E2F7: variants seen among roughly 807,000 people sequenced by gnomAD.
E2F7 encodes the protein transcription factor E2F7.
A neutral mutation model predicts 81.1 loss-of-function variants in E2F7; 35 were observed. The observed-to-expected ratio is 0.43, with a 90% CI of 0.33 to 0.57. The LOEUF (loss-of-function observed/expected upper bound fraction) is 0.57. Ranked by LOEUF, E2F7 falls within the 20% of genes least tolerant of loss-of-function variation. The pLI, the probability that E2F7 is intolerant of heterozygous loss-of-function variation, is 0.04. For missense variants in E2F7, 961 were observed against 1,093.7 expected (o/e 0.88, Z 1.71); for synonymous variants, 416 against 416.2 (o/e 1.00, Z 0.01).
At chr12:77,059,126 A>G (rs536440157) in intron 2 of E2F7, among the ~76,000 whole-genome samples, 2 of 152,294 alleles carry the variant, frequency 1.3e-5, no homozygotes, top group South Asian at 4.1e-4. Context: ...TTATTTCTTC[A>G]TATATTTTGA....
At position 77,056,123 on chromosome 12, in the gene E2F7, A is replaced by G. The variant is rs1260159147; in HGVS notation, c.101T>C (p.Ile34Thr). The change falls in exon 3 of 13, where the codon ATA becomes ACA. Residue 34 changes from isoleucine (I) to threonine (T), a missense_variant. Around this residue, in one of 3 missense-constraint regions of E2F7, gnomAD observed 73 missense variants for 68.4 expected, o/e 1.07. Transcript: ENST00000322886. ...EDGENAQKEN[I>T]FVDRSRMAPK... ...GGCCATCCTTGATCGATCAACAAAT[A>G]TATTTTCCTATTTTAAAAAAGAAAC... The G allele has an allele frequency of 6.3e-7, 1 of 1,589,300 alleles. No individual in the cohort carries two copies. The highest frequency in any genetic ancestry group is 8.5e-7 in the Non-Finnish European group (1 of 1,172,470).
chr12:77,044,253 C>T (rs1232722879), intron 6 of E2F7: 2 of 457,834 alleles, frequency 4.4e-6, no homozygotes, highest in African/African-American at 4.0e-5. Flanking sequence ...TACCTGTAGA[C>T]AATTTTCATC....
At chr12:77,054,402 A>C (rs940535523) in intron 3 of E2F7, among the ~76,000 whole-genome samples, 2 of 152,202 alleles carry the variant, frequency 1.3e-5, no homozygotes, top group Non-Finnish European at 2.9e-5. Context: ...CTAAAAAAAA[A>C]ATACAATTTG....
chr12:77,055,956 G>A lies in E2F7; in HGVS notation c.268C>T (p.Leu90Phe), dbSNP rs771487016. 1.2e-6 allele frequency: 2 copies of A among 1,614,106 alleles called. No individual in the cohort carries two copies. The highest frequency in any genetic ancestry group is 2.2e-5 in the South Asian group (2 of 91,080). ...PWTPTANLKM[L>F]ISAASPDIRD... ...ATATCTGGGCTGGCAGCACTAATGA[G>A]CATCTTCAGGTTAGCTGTGGGTGTC... is the stretch of plus-strand genomic sequence containing the variant. Residue 90 changes from leucine to phenylalanine, a missense_variant, in exon 3 of 13, where the codon CTC (leucine) becomes TTC (phenylalanine). Transcript: ENST00000322886.
At chr12:77,044,401 G>A (rs1954922055) in intron 6 of E2F7, 3 of 584,660 alleles carry the variant, frequency 5.1e-6, no homozygotes, top group Admixed American at 2.6e-5. Flanking sequence ...TCAGGATAGT[G>A]TTCTGTTTTT....
chr12:77,030,194 C>A lies in E2F7; in HGVS notation c.1521G>T (p.Thr507=). The change falls in exon 10 of 13, where the codon ACG becomes ACT. Residue 507 remains threonine, a synonymous_variant. Coordinates refer to ENST00000322886, the MANE Select transcript of E2F7 (RefSeq NM_203394.3). ...LAHPVFSVAQ[T]DLQAFSMQNG... is the part of the protein sequence containing the mutation. ...TCTGCATGGAGAATGCCTGCAGGTC[C>A]GTCTGAGCAACAGAAAATACTGGGT... 6.2e-7 allele frequency: 1 copy of A among 1,614,100 alleles called. No individual in the cohort carries two copies. Among genetic ancestry groups the A allele is most frequent in the Non-Finnish European group, 8.5e-7 (1 of 1,180,024 alleles).
chr12:77,056,004 C>T lies in E2F7; in HGVS notation c.220G>A (p.Asp74Asn). Reference protein sequence around the residue: ...RNPITPVKFVDRQQAEPWTPT... With the variant: ...RNPITPVKFVNRQQAEPWTPT... ...GTCCATGGTTCCGCTTGCTGTCTGT[C>T]AACAAACTTAACTGGAGTAATGGGA... The change falls in exon 3 of 13, where the codon GAC becomes AAC. Residue 74 changes from aspartate to asparagine, a missense_variant. Physicochemically the swap from Asp to Asn is conservative, Grantham distance 23. This residue lies in a region of E2F7 where 301 missense variants were observed against 405.0 expected (regional missense o/e 0.74). Coordinates refer to ENST00000322886, the MANE Select transcript of E2F7 (RefSeq NM_203394.3). The T allele has an allele frequency of 6.2e-7, 1 of 1,614,148 alleles. No individual in the cohort carries two copies. Among genetic ancestry groups the T allele is most frequent in the Non-Finnish European group, 8.5e-7 (1 of 1,180,018 alleles).
At position 77,056,280 on chromosome 12, in the gene E2F7, G is replaced by C. The variant is rs1337996445; in HGVS notation, c.94-150C>G. On this transcript the variant is annotated intron_variant, in intron 2 of 12. Transcript: ENST00000322886. ...AGTATCAGGATAGGACTAACGAAAA[G>C]TAGTCATGGGAATAGAAGAGTGGCT... 3.9e-6 allele frequency: 3 copies of C among 764,484 alleles called. No individual in the cohort carries two copies. The African/African-American group carries it at 5.3e-5, about 13-fold the overall frequency. 47.4% of individuals were successfully genotyped at this position (764,484 alleles called of 1,614,324 possible). A position where few individuals can be genotyped will look rare whatever the true frequency, so the allele number is the denominator to read the frequency against.
At chr12:77,033,180 T>C (rs1405494569) in intron 8 of E2F7, 58 bp from the exon 9 acceptor site, 14 of 1,404,708 alleles carry the variant, frequency 1.0e-5, no homozygotes, top group African/African-American at 2.9e-5. Context: ...ATACCAACTA[T>C]ATACTGAGAA....
At chr12:77,039,869 G>T (rs1954881417) in intron 7 of E2F7, among the ~76,000 whole-genome samples, 1 of 152,016 alleles carries the variant, frequency 6.6e-6, no homozygotes, top group African/African-American at 2.4e-5. Flanking sequence ...AATAATCACA[G>T]GAGCTTTATT....
intron 7 of E2F7, 22 bp downstream of exon 7, chr12:77,043,043 T>TA (rs746564575): frequency 6.2e-7 from 1 of 1,613,854 alleles, no homozygotes; most frequent in Non-Finnish European, 8.5e-7. Flanking sequence ...AACAGCCTGC[T>TA]AGCAAAACCA....
chr12:77,044,578 C>G (rs1954923560), intron 6 of E2F7, 59 bp downstream of exon 6: 1 of 1,561,358 alleles, frequency 6.4e-7, no homozygotes, highest in African/African-American at 1.4e-5. Context: ...CAGAAAATAT[C>G]AACACATGAA....
chr12:77,064,723 G>C (rs1955104151), intron 1 of E2F7, 88 bp from the exon 2 acceptor site: 10 of 1,130,096 alleles, frequency 8.8e-6, no homozygotes, highest in Non-Finnish European at 1.3e-5. Context: ...TTACTTGTTT[G>C]TCAATATGAA....
chr12:77,030,422 A>G, intron 9 of E2F7, 90 bp from the exon 10 acceptor site: 2 of 1,456,834 alleles, frequency 1.4e-6, no homozygotes, highest in South Asian at 1.4e-5. Flanking sequence ...CAAATCAAGA[A>G]TGAGATAATA....
rs1438236912 is a variant in E2F7, at chr12:77,030,164, A to G, written c.1551T>C (p.Gly517=). 8.1e-6 allele frequency: 13 copies of G among 1,614,048 alleles called. No individual in the cohort carries two copies. ...GTGAGACATCCACTTGTCCATTCAG[A>G]CCGTTCTGCATGGAGAATGCCTGCA... is the stretch of plus-strand genomic sequence containing the variant. The part of the protein sequence containing the change: ...TDLQAFSMQN[G]LNGQVDVSLA... The change falls in exon 10 of 13, where the codon GGT becomes GGC. Residue 517 remains glycine, a synonymous_variant. Transcript: ENST00000322886.
chr12:77,045,177 T>C (rs973106462), intron 5 of E2F7, among the ~76,000 whole-genome samples: 15 of 152,154 alleles, frequency 9.9e-5, no homozygotes, highest in African/African-American at 2.9e-4. Flanking sequence ...AACTCTCCTC[T>C]CAAAGGCAAA....
At position 77,053,827 on chromosome 12, in the gene E2F7, A is replaced by G. The variant is rs144986201; in HGVS notation, c.369+2028T>C. Among the ~76,000 whole-genome samples the G allele has an allele frequency of 2.6e-3, 402 of 152,312 alleles. 1 individual carries two copies. Among genetic ancestry groups the G allele is most frequent in the African/African-American group, 9.2e-3 (384 of 41,578 alleles). On this transcript the variant is annotated intron_variant, in intron 3 of 12. Transcript: ENST00000322886. ...AAGCAAGTCCTCTAAGACTATAAAT[A>G]CAAATTCAGAAGAATGGTTATTCTG... is the stretch of plus-strand genomic sequence containing the variant.
At chr12:77,050,508 C>A in intron 4 of E2F7, 68 bp downstream of exon 4, 1 of 1,561,152 alleles carries the variant, frequency 6.4e-7, no homozygotes, top group South Asian at 1.2e-5. Flanking sequence ...AAGCCTTCAG[C>A]CTGCCCAAGG....
intron 10 of E2F7, among the ~76,000 whole-genome samples, chr12:77,028,707 C>G (rs1032032366): frequency 1.3e-5 from 2 of 152,052 alleles, no homozygotes; most frequent in Non-Finnish European, 2.9e-5. Context: ...ATTTCCTGAC[C>G]CGGTGATCCG....
Sources: allele counts gnomAD v4.1 joint callset (sites outside exome capture counted in the v4.1 genomes callset), GRCh38; gene constraint gnomAD v4.1.1; regional missense constraint gnomAD v4.1.1; transcripts MANE v1.5; gene names NCBI Gene and HGNC (gene_info 2026-07-23, HGNC 2026-07-21).